Variants in RFC1 observed in about 807,000 individuals in gnomAD.
The protein encoded by RFC1 is A1 140 kDa subunit.
In RFC1, 37 loss-of-function variants were observed where a neutral mutation model predicts 137.4. The observed-to-expected ratio is 0.27, with a 90% CI of 0.21 to 0.35. The LOEUF is 0.35. RFC1 is among the 10% of genes least tolerant of loss of function. The pLI is 1.00. For synonymous variants in RFC1, 429 were observed against 455.7 expected, an observed-to-expected ratio of 0.94 and a Z score of 0.75; for missense variants, 1,205 against 1,358.5, an observed-to-expected ratio of 0.89 and a Z score of 1.78.
intron 22 of RFC1, among the ~76,000 whole-genome samples, chr4:39,292,938 C>T (rs900727570): frequency 5.9e-5 from 9 of 152,152 alleles, no homozygotes; most frequent in Admixed American, 5.9e-4. Flanking sequence ...AGCCACCGCA[C>T]CCAGCCTGTA....
intron 7 of RFC1, 31 bp downstream of exon 7, chr4:39,323,309 T>C: frequency 6.3e-7 from 1 of 1,595,262 alleles, no homozygotes; most frequent in Non-Finnish European, 8.6e-7. Flanking sequence ...TACTGTATAT[T>C]CAGAACGCAA....
chr4:39,355,138 A>AC (rs1560624345), intron 1 of RFC1, among the ~76,000 whole-genome samples: 2 of 102,808 alleles, frequency 1.9e-5, no homozygotes, highest in Non-Finnish European at 4.4e-5. Context: ...CACACACACA[A>AC]CAGGCCAGGT....
At chr4:39,365,637 T>A (rs938854268) in intron 1 of RFC1, 2 of 258,316 alleles carry the variant, frequency 7.7e-6, no homozygotes, top group African/African-American at 4.6e-5. Context: ...GTACTTCTTT[T>A]TCCTAGTAAG....
chr4:39,354,745 A>G (rs1741373371), intron 1 of RFC1, among the ~76,000 whole-genome samples: 1 of 109,506 alleles, frequency 9.1e-6, no homozygotes, highest in Non-Finnish European at 1.8e-5. Context: ...TAGTGAAACT[A>G]TCTCAAAAAA....
At chr4:39,358,330 G>A (rs890408613) in intron 1 of RFC1, among the ~76,000 whole-genome samples, 1 of 151,932 alleles carries the variant, frequency 6.6e-6, no homozygotes, top group Admixed American at 6.6e-5. Flanking sequence ...TAAAATAACT[G>A]TATTTCTCTA....
rs767080058 is a variant in RFC1, at chr4:39,306,636, G to A, written c.1951C>T (p.Pro651Ser). 5.0e-6 allele frequency: 8 copies of A among 1,613,464 alleles called. No homozygotes were observed. Among genetic ancestry groups the A allele is most frequent in the South Asian group, 1.1e-5 (1 of 91,072 alleles). ...GTGGTGGTTTTGCCAACACCAGGAG[G>A]GCCTGACAGCAACGCTGCTTTAAAA... ...SSFKAALLSG[P>S]PGVGKTTTAS... Residue 651 changes from proline to serine, a missense_variant, in exon 14 of 25, where the codon CCT becomes TCT. Around this residue, in one of 3 missense-constraint regions of RFC1, gnomAD observed 962 missense variants for 1,035.3 expected, o/e 0.93. Coordinates refer to ENST00000349703, the MANE Select transcript of RFC1 (RefSeq NM_002913.5).
At chr4:39,303,273 C>G (rs1738462290) in intron 15 of RFC1, 122 bp from the exon 16 acceptor site, 1 of 640,874 alleles carries the variant, frequency 1.6e-6, no homozygotes, top group Non-Finnish European at 2.8e-6. Context: ...GAATATGCAG[C>G]ACTGGACTAC....
chr4:39,333,670 C>T (rs142093862), intron 4 of RFC1, among the ~76,000 whole-genome samples: 42 of 152,170 alleles, frequency 2.8e-4, no homozygotes, highest in African/African-American at 8.9e-4. Flanking sequence ...ATAAACATCA[C>T]CCCTAAAAGG....
At chr4:39,334,133 C>G (rs1740242052) in intron 4 of RFC1, among the ~76,000 whole-genome samples, 2 of 152,068 alleles carry the variant, frequency 1.3e-5, no homozygotes, top group Middle Eastern at 6.8e-3. Context: ...TCCCCATACT[C>G]CTTACAGTTA....
At chr4:39,297,429 T>C (rs10470873) in intron 21 of RFC1, among the ~76,000 whole-genome samples, 62,110 of 127,812 alleles carry the variant, frequency 0.49, 16,424 homozygotes, top group African/African-American at 0.72. Flanking sequence ...TTGATTTTTG[T>C]ATAAGGTGTA....
chr4:39,365,338 T>G, intron 1 of RFC1: 2 of 323,962 alleles, frequency 6.2e-6, no homozygotes, highest in Non-Finnish European at 8.8e-6. Context: ...ATGTTGTCAC[T>G]GTGACACGTT....
chr4:39,332,849 G>A (rs1300191039), intron 4 of RFC1, among the ~76,000 whole-genome samples: 1 of 152,192 alleles, frequency 6.6e-6, no homozygotes, highest in Non-Finnish European at 1.5e-5. Flanking sequence ...CGGACATGGT[G>A]GCCCACGCCT....
In RFC1 at chr4:39,328,166, A is replaced by G. The variant is rs1739878943; in HGVS notation, c.332-410T>C. ...AACATCCAAGAACTTAGAGATGCTA[A>G]TAACTTTTTCCCCCTATCTCCAAAA... On this transcript the variant is annotated intron_variant, in intron 4 of 24. Coordinates refer to ENST00000349703, the MANE Select transcript of RFC1 (RefSeq NM_002913.5). Among the ~76,000 whole-genome samples the G allele has an allele frequency of 2.5e-5, 3 of 119,666 alleles. No individual in the cohort carries two copies. In the Admixed American group the frequency reaches 2.9e-4, roughly 12 times the overall value. The allele number at this position is 119,666 out of a possible 152,430, so 78.5% of individuals were successfully genotyped here.
At chr4:39,359,809 G>A (rs1396510253) in intron 1 of RFC1, among the ~76,000 whole-genome samples, 5 of 149,042 alleles carry the variant, frequency 3.4e-5, no homozygotes, top group African/African-American at 1.2e-4. Flanking sequence ...GTGACAGAGC[G>A]AGACTCTGTC....
intron 9 of RFC1, among the ~76,000 whole-genome samples, chr4:39,318,610 C>T (rs887618900): frequency 6.6e-6 from 1 of 152,176 alleles, no homozygotes; most frequent in African/African-American, 2.4e-5. Context: ...TTAAAAAGTA[C>T]AGTGAAGAGT....
chr4:39,316,885 C>A, intron 10 of RFC1, 30 bp downstream of exon 10: 1 of 1,421,838 alleles, frequency 7.0e-7, no homozygotes, highest in Non-Finnish European at 9.9e-7. Context: ...GAGGCCCTCA[C>A]AGAATGGCAT....
intron 6 of RFC1, among the ~76,000 whole-genome samples, chr4:39,323,685 C>T (rs1055267125): frequency 6.6e-6 from 1 of 152,112 alleles, no homozygotes; most frequent in African/African-American, 2.4e-5. Context: ...ACTTATAAAA[C>T]ATGAGGTCTG....
chr4:39,337,530 C>A (rs1740419841), intron 4 of RFC1, among the ~76,000 whole-genome samples: 2 of 150,548 alleles, frequency 1.3e-5, no homozygotes, highest in Non-Finnish European at 3.0e-5. Context: ...TTCAAAAATT[C>A]TAAATTTAGT....
chr4:39,329,152 A>AAAAAAAAAAAAAAAAAAAAC (rs1739950244), intron 4 of RFC1, among the ~76,000 whole-genome samples: 1 of 138,244 alleles, frequency 7.2e-6, no homozygotes, highest in Non-Finnish European at 1.6e-5. Context: ...AAAAAAAAAA[A>AAAAAAAAAAAAAAAAAAAAC]AGCTTTTCGA....
Sources: gnomAD v4.1 joint callset for allele counts (sites outside exome capture counted in the v4.1 genomes callset) on GRCh38, gnomAD v4.1.1 for gene constraint, gnomAD v4.1.1 regional missense constraint, MANE v1.5 for transcripts, NCBI Gene and HGNC (gene_info 2026-07-23, HGNC 2026-07-21) for gene names.